The following TCF20 variants were observed in gnomAD, a reference collection of about 807,000 sequenced individuals.
The protein encoded by TCF20 is SPRE-binding protein.
Under a neutral mutation model 148.6 loss-of-function variants are expected in TCF20, and 3 were observed. That is an observed-to-expected ratio of 0.02 (90% CI 0.01 to 0.05). The LOEUF is 0.05. Among genes scored for constraint, TCF20 ranks in the 10% least tolerant of loss-of-function variants. The pLI is 1.00. For synonymous variants in TCF20, 1,049 were observed against 909.5 expected, an observed-to-expected ratio of 1.15 and a Z score of -2.76; for missense variants, 2,350 against 2,429.3, an observed-to-expected ratio of 0.97 and a Z score of 0.69.
chr22:42,224,788 C>A (rs945230709), intron 1 of TCF20, among the ~76,000 whole-genome samples: 4 of 151,954 alleles, frequency 2.6e-5, no homozygotes, highest in Admixed American at 6.6e-5. Context: ...TAGAAAATTA[C>A]ATAGTATCAG....
chr22:42,212,328 C>T lies in TCF20; in HGVS notation c.2978G>A (p.Gly993Asp), dbSNP rs1343344606. ...SRPTPMRRVP[G>D]RVGGREGMRG... ...CATGCCCTCCCGACCACCAACTCTGCCAGGGACCCGCCGCATTGGCGTGGG... is the reference window on the plus strand; with the variant it reads ...CATGCCCTCCCGACCACCAACTCTGTCAGGGACCCGCCGCATTGGCGTGGG... Residue 993 changes from glycine (G) to aspartate (D), a missense_variant, in exon 2 of 6, where the codon GGC becomes GAC. Gly to Asp is a moderately conservative substitution (Grantham distance 94, BLOSUM62 -1). Coordinates refer to ENST00000677622, the MANE Select transcript of TCF20 (RefSeq NM_001378418.1). 1 of 1,614,108 alleles carries T rather than the reference C, an allele frequency of 6.2e-7. No homozygotes were observed. Among genetic ancestry groups the T allele is most frequent in the Non-Finnish European group, 8.5e-7 (1 of 1,180,052 alleles).
intron 1 of TCF20, among the ~76,000 whole-genome samples, chr22:42,316,541 G>A (rs904529037): frequency 2.6e-5 from 4 of 152,180 alleles, no homozygotes; most frequent in East Asian, 1.9e-4. Context: ...AGGTTCAAGC[G>A]ATTCGCCTGT....
chr22:42,312,282 C>T (rs1927550355), intron 1 of TCF20, among the ~76,000 whole-genome samples: 2 of 152,180 alleles, frequency 1.3e-5, no homozygotes, highest in Admixed American at 6.5e-5. Context: ...CAGCGGGCCA[C>T]CTGCCTGGTA....
intron 2 of TCF20, among the ~76,000 whole-genome samples, chr22:42,180,797 T>C (rs1487959920): frequency 6.6e-6 from 1 of 152,200 alleles, no homozygotes; most frequent in Non-Finnish European, 1.5e-5. Context: ...CGTGAAACTC[T>C]TGAGACACCA....
At chr22:42,332,354 T>C (rs1927991374) in intron 1 of TCF20, among the ~76,000 whole-genome samples, 2 of 151,940 alleles carry the variant, frequency 1.3e-5, no homozygotes, top group Admixed American at 6.6e-5. Flanking sequence ...TGGAGTGTAG[T>C]GACCAGTGCA....
At chr22:42,336,161 T>A (rs748462903) in intron 1 of TCF20, among the ~76,000 whole-genome samples, 40 of 152,124 alleles carry the variant, frequency 2.6e-4, no homozygotes, top group Admixed American at 5.9e-4. Flanking sequence ...AGACATCACT[T>A]ACACGCTCCA....
chr22:42,204,793 C>T (rs1416181900), intron 2 of TCF20, among the ~76,000 whole-genome samples: 1 of 152,124 alleles, frequency 6.6e-6, no homozygotes, highest in Non-Finnish European at 1.5e-5. Flanking sequence ...TGCAGTGAGC[C>T]AAGATTGTGC....
In TCF20 at chr22:42,213,938, C is replaced by G; in HGVS notation, c.1368G>C (p.Leu456Phe). 1 of 1,614,194 alleles carries G rather than the reference C, an allele frequency of 6.2e-7. No homozygotes were observed. The highest frequency in any genetic ancestry group is 8.5e-7 in the Non-Finnish European group (1 of 1,180,028). ...KRLTDPGLSSLSALSTQVANL... is the reference protein window; with the variant it reads ...KRLTDPGLSSFSALSTQVANL... ...TGGCCACTTGAGTACTCAGAGCACT[C>G]AAACTACTCAACCCAGGATCTGTCA... Residue 456 changes from leucine to phenylalanine, a missense_variant, in exon 2 of 6, where the codon TTG (leucine) becomes TTC (phenylalanine). By Grantham distance (22) the Leu-to-Phe change is conservative. Coordinates refer to ENST00000677622, the MANE Select transcript of TCF20 (RefSeq NM_001378418.1).
chr22:42,263,155 T>C (rs1226004966), intron 1 of TCF20, among the ~76,000 whole-genome samples: 1 of 152,176 alleles, frequency 6.6e-6, no homozygotes, highest in Non-Finnish European at 1.5e-5. Flanking sequence ...AAGTCACTGA[T>C]AGCAAGTGAT....
At position 42,168,740 on chromosome 22, in the gene TCF20, A is replaced by C. The variant is rs779301596; in HGVS notation, c.5800-4T>G. ...GGAGAGGGCACGGAAGGGGAGGCTG[A>C]CACGGGCAAAACCAAGAGGAGACAG... On this transcript the variant is annotated splice_polypyrimidine_tract_variant and splice_region_variant and intron_variant, in intron 4 of 5. Transcript: ENST00000677622. 1 of 1,606,942 alleles carries C rather than the reference A, an allele frequency of 6.2e-7. No homozygotes were observed. The highest frequency in any genetic ancestry group is 1.7e-5 in the Admixed American group (1 of 59,464).
chr22:42,201,129 A>C (rs1986137490), intron 2 of TCF20, among the ~76,000 whole-genome samples: 1 of 152,222 alleles, frequency 6.6e-6, no homozygotes, highest in African/African-American at 2.4e-5. Context: ...CCATGCAAGA[A>C]GCCTTCCTGC....
At chr22:42,167,297 T>C (rs1935845767) in intron 5 of TCF20, among the ~76,000 whole-genome samples, 1 of 152,204 alleles carries the variant, frequency 6.6e-6, no homozygotes, top group South Asian at 2.1e-4. Context: ...CCGAGGGGCC[T>C]TCTCCGGAAA....
chr22:42,309,989 A>G (rs925485406), intron 1 of TCF20, among the ~76,000 whole-genome samples: 1 of 152,254 alleles, frequency 6.6e-6, no homozygotes, highest in African/African-American at 2.4e-5. Context: ...TGCCCTGCAC[A>G]GGGCCTGGTG....
chr22:42,193,487 G>A (rs1307951697), intron 2 of TCF20, among the ~76,000 whole-genome samples: 1 of 151,878 alleles, frequency 6.6e-6, no homozygotes, highest in Non-Finnish European at 1.5e-5. Context: ...GCATACCACT[G>A]CACTTGGCTG....
chr22:42,254,522 T>C (rs188584311), intron 1 of TCF20, among the ~76,000 whole-genome samples: 2 of 152,332 alleles, frequency 1.3e-5, no homozygotes, highest in African/African-American at 2.4e-5. Context: ...TGTTATAATA[T>C]TGGGTATGTT....
At chr22:42,263,068 G>A (rs1366730728) in intron 1 of TCF20, among the ~76,000 whole-genome samples, 1 of 152,076 alleles carries the variant, frequency 6.6e-6, no homozygotes, top group African/African-American at 2.4e-5. Flanking sequence ...CTATTTTAGT[G>A]CCTTCCCCCA....
At chr22:42,265,261 C>T (rs1926222817) in intron 1 of TCF20, among the ~76,000 whole-genome samples, 1 of 152,178 alleles carries the variant, frequency 6.6e-6, no homozygotes, top group Non-Finnish European at 1.5e-5. Context: ...GCAATGTGAC[C>T]AAATTATGCT....
chr22:42,232,559 G>C (rs1369772959), intron 1 of TCF20, among the ~76,000 whole-genome samples: 1 of 152,160 alleles, frequency 6.6e-6, no homozygotes, highest in Non-Finnish European at 1.5e-5. Flanking sequence ...CGGGCGCAGT[G>C]GCTCACGCCC....
intron 1 of TCF20, chr22:42,269,754 C>T (rs1367600160): frequency 2.0e-5 from 3 of 152,822 alleles, no homozygotes; most frequent in African/African-American, 7.2e-5. Flanking sequence ...TGCCCTCCGC[C>T]CCCAACAGGC....
Sources: gnomAD v4.1 joint callset for allele counts (sites outside exome capture counted in the v4.1 genomes callset) on GRCh38, gnomAD v4.1.1 for gene constraint, MANE v1.5 for transcripts, NCBI Gene and HGNC (gene_info 2026-07-23, HGNC 2026-07-21) for gene names.